TIAL1: variants seen among roughly 807,000 people sequenced by gnomAD.
The protein encoded by TIAL1 is TIA1 cytotoxic granule associated RNA binding protein like 1.
In TIAL1, 7 loss-of-function variants were observed where a neutral mutation model predicts 59.7. The ratio of observed to expected loss-of-function variants is 0.12; its 90% CI spans 0.07 to 0.22. The LOEUF (loss-of-function observed/expected upper bound fraction) is 0.22. TIAL1 is among the 10% of genes least tolerant of loss of function. The pLI, the probability that TIAL1 is intolerant of heterozygous loss-of-function variation, is 1.00. For missense variants in TIAL1, 225 were observed against 462.5 expected (o/e 0.49, Z 4.71); for synonymous variants, 149 against 146.3 (o/e 1.02, Z -0.13).
At chr10:119,578,606 G>A in intron 7 of TIAL1, 120 bp downstream of exon 7, 1 of 872,048 alleles carries the variant, frequency 1.1e-6, no homozygotes. Context: ...ACTCCAGCCT[G>A]GGCAACAGAG....
Position 119,588,145 on chromosome 10 carries a change from A to C in TIAL1, c.129+7T>G, listed in dbSNP as rs770315294. 4 of 1,527,574 alleles carry C rather than the reference A, an allele frequency of 2.6e-6. No homozygotes were observed. Among genetic ancestry groups the C allele is most frequent in the African/African-American group, 2.8e-5 (2 of 71,950 alleles). The allele number at this position is 1,527,574 out of a possible 1,614,324, so 94.6% of individuals were successfully genotyped here. On this transcript the variant is annotated splice_region_variant and intron_variant, in intron 2 of 11. Coordinates refer to ENST00000436547, the MANE Select transcript of TIAL1 (RefSeq NM_003252.4). ...ATTGTCAGCACATGGAACTGGGAAG[A>C]TCTTACCTCTGTTATCATTTTACAG...
chr10:119,594,421 A>G (rs1394435023), intron 1 of TIAL1, among the ~76,000 whole-genome samples: 1 of 152,224 alleles, frequency 6.6e-6, no homozygotes, highest in African/African-American at 2.4e-5. Flanking sequence ...TAAGGAACAG[A>G]TACAGTAAAT....
rs1166044030 is a variant in TIAL1, at chr10:119,576,768, A to G, written c.862-18T>C. ...TAGTCAACCTAGGAAAAAGCAAAGT[A>G]TTGTTTTAGGGAACACATAAGAAAC... On this transcript the variant is annotated intron_variant, in intron 10 of 11. Transcript: ENST00000436547. 1 of 1,611,566 alleles carries G rather than the reference A, an allele frequency of 6.2e-7. No homozygotes were observed. The highest frequency in any genetic ancestry group is 1.3e-5 in the African/African-American group (1 of 74,778).
intron 6 of TIAL1, among the ~76,000 whole-genome samples, chr10:119,579,579 A>G (rs983411164): frequency 6.6e-6 from 1 of 152,214 alleles, no homozygotes; most frequent in African/African-American, 2.4e-5. Context: ...GGTAGAGTTA[A>G]AACTGAGATT....
intron 5 of TIAL1, chr10:119,580,443 G>T: frequency 1.0e-6 from 1 of 953,476 alleles, no homozygotes; most frequent in African/African-American, 1.8e-5. Flanking sequence ...TTGAAAAAGA[G>T]GAAAAAATAG....
At chr10:119,583,627 T>C (rs1362882394) in intron 2 of TIAL1, among the ~76,000 whole-genome samples, 2 of 152,190 alleles carry the variant, frequency 1.3e-5, no homozygotes, top group East Asian at 1.9e-4. Context: ...GGGATAAATA[T>C]ACCAGATAAA....
intron 5 of TIAL1, chr10:119,580,839 G>A (rs1330337994): frequency 1.6e-6 from 2 of 1,241,996 alleles, no homozygotes; most frequent in Non-Finnish European, 2.1e-6. Flanking sequence ...CCATTCTTAT[G>A]AGCAATTCTG....
intron 5 of TIAL1, chr10:119,580,827 G>A: frequency 8.1e-7 from 1 of 1,240,484 alleles, no homozygotes; most frequent in Non-Finnish European, 1.0e-6. Flanking sequence ...TCAAGATCCT[G>A]TCCATTCTTA....
intron 2 of TIAL1, among the ~76,000 whole-genome samples, chr10:119,585,473 G>A (rs1198422219): frequency 2.7e-5 from 4 of 150,400 alleles, no homozygotes; most frequent in East Asian, 2.0e-4. Context: ...AAAAAAATCC[G>A]TTATGTCCCT....
In TIAL1 at chr10:119,582,080, G is replaced by C; in HGVS notation, c.284-71C>G. 1 of 1,594,102 alleles carries C rather than the reference G, an allele frequency of 6.3e-7. No homozygotes were observed. Among genetic ancestry groups the C allele is most frequent in the Non-Finnish European group, 8.6e-7 (1 of 1,168,118 alleles). ...CTAAAACCTTTTTAAGGCAACTCTAGAGGAGGAAAAAAAAACCTATTTAAG... is the reference window on the plus strand; with the variant it reads ...CTAAAACCTTTTTAAGGCAACTCTACAGGAGGAAAAAAAAACCTATTTAAG... On this transcript the variant is annotated intron_variant, in intron 4 of 11. Coordinates refer to ENST00000436547, the MANE Select transcript of TIAL1 (RefSeq NM_003252.4). This position sits in a 1 kb window ranked among gnomAD's most constrained non-coding sequence, Gnocchi z 5.1.
intron 6 of TIAL1, 56 bp from the exon 7 acceptor site, chr10:119,578,890 G>A: frequency 5.4e-6 from 7 of 1,295,158 alleles, no homozygotes; most frequent in Non-Finnish European, 7.8e-6. Context: ...ATAAGACTCT[G>A]TAAGATGAAA....
chr10:119,596,335 A>C, intron 1 of TIAL1, 99 bp downstream of exon 1: 3 of 1,368,916 alleles, frequency 2.2e-6, no homozygotes, highest in Non-Finnish European at 3.1e-6. Context: ...GGAGCCGCCT[A>C]GAGTCCCGGC....
rs1191953871 is a variant in TIAL1 at position 119,582,973 on chromosome 10, T to C, written c.130-416A>G. Among the ~76,000 whole-genome samples, 2 of 152,106 alleles carry C rather than the reference T, an allele frequency of 1.3e-5. No individual in the cohort carries two copies. The highest frequency in any genetic ancestry group is 2.9e-5 in the Non-Finnish European group (2 of 67,978). ...GCATCATAATCCTCTATAAGTGGTA[T>C]CCCAGGATACAGAAATACAGCAAGA... is the stretch of plus-strand genomic sequence containing the variant. On this transcript the variant is annotated intron_variant, in intron 2 of 11. Coordinates refer to ENST00000436547, the MANE Select transcript of TIAL1 (RefSeq NM_003252.4). The surrounding 1 kb of genome is among the most constrained non-coding windows in gnomAD (Gnocchi z 5.1).
rs1454778679 is a variant in TIAL1 at position 119,577,637 on chromosome 10, G to A, written c.652+4C>T. 8.7e-6 allele frequency: 14 copies of A among 1,613,422 alleles called. No individual in the cohort carries two copies. The highest frequency in any genetic ancestry group is 1.2e-5 in the Non-Finnish European group (14 of 1,179,532). ...AGAGGTGATTAGAAAACCAAACATTGTACCTGTTAACCCAGACGCAATTCC... is the reference window on the plus strand; with the variant it reads ...AGAGGTGATTAGAAAACCAAACATTATACCTGTTAACCCAGACGCAATTCC... On this transcript the variant is annotated splice_donor_region_variant and intron_variant, in intron 8 of 11. Transcript: ENST00000436547.
Position 119,577,165 on chromosome 10 carries a change from G to A in TIAL1, c.776C>T (p.Ser259Leu), listed in dbSNP as rs551077907. The A allele has an allele frequency of 5.0e-6, 8 of 1,612,742 alleles. No individual in the cohort carries two copies. The highest frequency in any genetic ancestry group is 2.2e-5 in the South Asian group (2 of 90,498). ...THESAAHAIV[S>L]VNGTTIEGHV... ...TCCTTCAATCGTAGTACCGTTCACC[G>A]AAACAATGGCATGGGCTGCACTTTC... The change falls in exon 10 of 12, where the codon TCG becomes TTG. Residue 259 changes from serine to leucine, a missense_variant. By Grantham distance (145) the Ser-to-Leu change is moderately radical (BLOSUM62 -2). Transcript: ENST00000436547.
chr10:119,581,279 T>C (rs987189553), intron 5 of TIAL1, among the ~76,000 whole-genome samples: 1 of 152,022 alleles, frequency 6.6e-6, no homozygotes, highest in Non-Finnish European at 1.5e-5. Context: ...AATCTGAGCA[T>C]AAATTTGTTA....
rs765407242 is a variant in TIAL1, at chr10:119,575,712, G to T, written c.1081C>A (p.Pro361Thr). ...ATACCATATCCGGCTTGGTTAGGAG[G>T]AGGTATTACAGGGGGAGGAGCTTGT... ...QGQAPPPVIP[P>T]PNQAGYGMAS... The change falls in exon 12 of 12, where the codon CCT becomes ACT. Residue 361 changes from proline to threonine, a missense_variant. Physicochemically the swap from Pro to Thr is conservative, Grantham distance 38. Around this residue, in one of 4 missense-constraint regions of TIAL1, gnomAD observed 68 missense variants for 71.3 expected, o/e 0.95. Transcript: ENST00000436547. 1.2e-6 allele frequency: 2 copies of T among 1,612,306 alleles called. No homozygotes were observed. Among genetic ancestry groups the T allele is most frequent in the Non-Finnish European group, 1.7e-6 (2 of 1,179,264 alleles).
chr10:119,575,321 A>G lies in TIAL1; in HGVS notation c.*344T>C, dbSNP rs1456489771. 5 of 197,118 alleles carry G rather than the reference A, an allele frequency of 2.5e-5. No individual in the cohort carries two copies. The highest frequency in any genetic ancestry group is 5.2e-5 in the Non-Finnish European group (5 of 95,402). The allele number at this position is 197,118 out of a possible 1,614,324, so 12.2% of individuals were successfully genotyped here. ...CTCTTTTAAAAACACAGTGAGTTAAAATACTGAACAGCAAGATAAAAATGG... is the reference window on the plus strand; with the variant it reads ...CTCTTTTAAAAACACAGTGAGTTAAGATACTGAACAGCAAGATAAAAATGG... On this transcript the variant is annotated 3_prime_UTR_variant, in exon 12 of 12. Coordinates refer to ENST00000436547, the MANE Select transcript of TIAL1 (RefSeq NM_003252.4).
intron 11 of TIAL1, 37 bp from the exon 12 acceptor site, chr10:119,575,828 G>GAA: frequency 1.4e-6 from 2 of 1,391,504 alleles, no homozygotes; most frequent in South Asian, 1.7e-5. Flanking sequence ...GCAAACACAA[G>GAA]AAAAAAAAAA....
Sources: gnomAD v4.1 joint callset for allele counts (sites outside exome capture counted in the v4.1 genomes callset) on GRCh38, gnomAD v4.1.1 for gene constraint, gnomAD v4.1.1 regional missense constraint, Gnocchi (gnomAD v3.1) non-coding constraint, MANE v1.5 for transcripts, NCBI Gene and HGNC (gene_info 2026-07-23, HGNC 2026-07-21) for gene names.